The following MACF1 variants were observed in gnomAD, a reference collection of about 807,000 sequenced individuals.
MACF1 encodes microtubule-actin cross-linking factor 1.
MACF1 carries 193 observed loss-of-function variants against 854.8 expected under a neutral mutation model. The observed-to-expected ratio is 0.23, with a 90% CI of 0.20 to 0.25. MACF1 has a LOEUF of 0.25. Ranked by LOEUF, MACF1 falls within the 10% of genes least tolerant of loss-of-function variation. MACF1 has a pLI of 1.00. For missense variants in MACF1, 7,722 were observed against 8,929.1 expected (o/e 0.86, Z 5.45); for synonymous variants, 3,185 against 3,226.7 (o/e 0.99, Z 0.44).
At chr1:39,254,634 G>A (rs958179411) in intron 5 of MACF1, 11 of 416,266 alleles carry the variant, frequency 2.6e-5, no homozygotes, top group African/African-American at 1.6e-4. Flanking sequence ...TTTTGTGGAT[G>A]CACCTTAGGT....
intron 58 of MACF1, among the ~76,000 whole-genome samples, chr1:39,405,986 C>A (rs1242721920): frequency 4.0e-5 from 6 of 151,786 alleles, no homozygotes; most frequent in Non-Finnish European, 8.8e-5. Context: ...CATACCTAAA[C>A]TAAGGAGAAA....
At chr1:39,102,769 C>G (rs1281550364) in intron 2 of MACF1, 6 of 702,600 alleles carry the variant, frequency 8.5e-6, no homozygotes. Flanking sequence ...GCAGCAGTCT[C>G]ACCCATCAGG....
At chr1:39,143,460 A>C (rs1226750832) in intron 2 of MACF1, among the ~76,000 whole-genome samples, 1 of 152,210 alleles carries the variant, frequency 6.6e-6, no homozygotes, top group Non-Finnish European at 1.5e-5. Flanking sequence ...GAGAATGAGC[A>C]AGTGGCTTGT....
intron 58 of MACF1, among the ~76,000 whole-genome samples, chr1:39,394,648 G>A (rs1642202185): frequency 6.6e-6 from 1 of 152,082 alleles, no homozygotes; most frequent in South Asian, 2.1e-4. Flanking sequence ...AAAAGCCCTG[G>A]AAGACAGGGC....
intron 26 of MACF1, among the ~76,000 whole-genome samples, chr1:39,313,156 T>C (rs953632233): frequency 3.3e-5 from 5 of 152,222 alleles, no homozygotes; most frequent in African/African-American, 1.2e-4. Context: ...CTGAGGTTTC[T>C]TCCTGATTAG....
Position 39,350,871 on chromosome 1 carries a change from C to T in MACF1, c.11052C>T (p.Thr3684=), listed in dbSNP as rs1392859704. 1 of 1,613,868 alleles carries T rather than the reference C, an allele frequency of 6.2e-7. No individual in the cohort carries two copies. Among genetic ancestry groups the T allele is most frequent in the African/African-American group, 1.3e-5 (1 of 74,882 alleles). The part of the protein sequence containing the change: ...DIEGFMEENQ[T]KLSPRELTAL... ...AGGGGTTCATGGAAGAGAATCAGAC[C>T]AAGCTGAGCCCACGTGAGTTGACAG... is the stretch of plus-strand genomic sequence containing the variant. The change falls in exon 43 of 101, where the codon ACC becomes ACT. Residue 3684 remains threonine (T), a synonymous_variant. Coordinates refer to ENST00000564288, the MANE Select transcript of MACF1 (RefSeq NM_001394062.1).
intron 2 of MACF1, among the ~76,000 whole-genome samples, chr1:39,090,825 C>A (rs558303151): frequency 6.6e-6 from 1 of 152,304 alleles, no homozygotes; most frequent in East Asian, 1.9e-4. Context: ...TTCTTTATTT[C>A]AGCAGTCCTC....
At chr1:39,263,776 T>C (rs1010257159) in intron 6 of MACF1, among the ~76,000 whole-genome samples, 2 of 131,118 alleles carry the variant, frequency 1.5e-5, no homozygotes, top group East Asian at 2.1e-4. Context: ...TTTTTCTTTT[T>C]TTTTTTTTTT....
At chr1:39,131,359 A>G (rs953567421) in intron 2 of MACF1, among the ~76,000 whole-genome samples, 3 of 146,664 alleles carry the variant, frequency 2.0e-5, no homozygotes, top group Admixed American at 2.0e-4. Context: ...TTTTTTGTAG[A>G]GACAGGGTCT....
chr1:39,365,079 CTTTT>C (rs1648573361), intron 49 of MACF1, among the ~76,000 whole-genome samples: 1 of 151,118 alleles, frequency 6.6e-6, no homozygotes, highest in Non-Finnish European at 1.5e-5. Context: ...AAATCTGAAA[CTTTT>C]TTTTTCTTTT....
intron 38 of MACF1, among the ~76,000 whole-genome samples, chr1:39,339,971 C>T (rs1334949701): frequency 2.0e-5 from 3 of 152,074 alleles, no homozygotes; most frequent in Admixed American, 6.5e-5. Context: ...AGCTTATTTC[C>T]GGCTTATCTG....
chr1:39,466,477 A>G (rs1470309132), intron 95 of MACF1, among the ~76,000 whole-genome samples: 2 of 152,258 alleles, frequency 1.3e-5, no homozygotes, highest in East Asian at 1.9e-4. Context: ...GTGATAAATT[A>G]TAGTACACAG....
At chr1:39,461,760 C>T in intron 92 of MACF1, 123 bp from the exon 93 acceptor site, 1 of 723,370 alleles carries the variant, frequency 1.4e-6, no homozygotes, top group South Asian at 2.1e-5. Context: ...CCACTGCACT[C>T]CAGCCTGGGC....
At chr1:39,198,023 C>A (rs951533429) in intron 2 of MACF1, among the ~76,000 whole-genome samples, 5 of 151,934 alleles carry the variant, frequency 3.3e-5, no homozygotes, top group Non-Finnish European at 5.9e-5. Flanking sequence ...CATGGCAAAA[C>A]CCCATCTCTG....
At chr1:39,474,168 C>G (rs935696404) in intron 97 of MACF1, among the ~76,000 whole-genome samples, 1 of 152,252 alleles carries the variant, frequency 6.6e-6, no homozygotes, top group South Asian at 2.1e-4. Context: ...GCGGGCAGAT[C>G]ATGAGGTCAG....
chr1:39,368,232 G>A lies in MACF1; in HGVS notation c.12856G>A (p.Ala4286Thr). 6.2e-7 allele frequency: 1 copy of A among 1,614,100 alleles called. No homozygotes were observed. Among genetic ancestry groups the A allele is most frequent in the Non-Finnish European group, 8.5e-7 (1 of 1,179,996 alleles). ...CACTGAACTGAGCTCTTGTGGCTTTGCGCTGGACTTGTGCCAGCATCAGGA... is the reference window on the plus strand; with the variant it reads ...CACTGAACTGAGCTCTTGTGGCTTTACGCTGGACTTGTGCCAGCATCAGGA... ...LVTELSSCGF[A>T]LDLCQHQDRV... The change falls in exon 50 of 101, where the codon GCG becomes ACG. Residue 4286 changes from alanine to threonine, a missense_variant. Transcript: ENST00000564288.
chr1:39,448,551 G>T (rs374469731), intron 83 of MACF1, 43 bp from the exon 84 acceptor site: 3 of 1,432,076 alleles, frequency 2.1e-6, no homozygotes, highest in East Asian at 4.7e-5. Context: ...TCAAGATGTC[G>T]TCTGACTTTT....
intron 2 of MACF1, among the ~76,000 whole-genome samples, chr1:39,183,501 G>A (rs1460318072): frequency 2.0e-5 from 3 of 152,128 alleles, no homozygotes; most frequent in Non-Finnish European, 2.9e-5. Flanking sequence ...TCACTGTCTT[G>A]AGCAGGCAAG....
intron 2 of MACF1, among the ~76,000 whole-genome samples, chr1:39,164,368 C>T (rs1042260643): frequency 6.6e-6 from 1 of 152,246 alleles, no homozygotes; most frequent in African/African-American, 2.4e-5. Flanking sequence ...GAATACCTCT[C>T]TGATAGCTCT....
Sources: allele counts gnomAD v4.1 joint callset (sites outside exome capture counted in the v4.1 genomes callset), GRCh38; gene constraint gnomAD v4.1.1; transcripts MANE v1.5; gene names NCBI Gene and HGNC (gene_info 2026-07-23, HGNC 2026-07-21).